The following VSTM4 variants were observed in gnomAD, a reference collection of about 807,000 sequenced individuals.
VSTM4 encodes V-set and transmembrane domain-containing protein 4.
Under a neutral mutation model 36.4 loss-of-function variants are expected in VSTM4, and 20 were observed. The observed-to-expected ratio is 0.55, with a 90% CI of 0.39 to 0.80. The LOEUF (loss-of-function observed/expected upper bound fraction) is 0.80, where lower values mean the gene tolerates loss of function less well. VSTM4 is among the 30% of genes least tolerant of loss of function. The probability of loss-of-function intolerance (pLI) is 0.00; values close to 1 mark genes in which losing one functional copy is unlikely to be tolerated. For synonymous variants in VSTM4, 182 were observed against 173.9 expected, an observed-to-expected ratio of 1.05 and a Z score of -0.37; for missense variants, 392 against 404.5, an observed-to-expected ratio of 0.97 and a Z score of 0.26.
At chr10:49,060,238 C>T (rs550537013) in intron 5 of VSTM4, among the ~76,000 whole-genome samples, 2 of 152,314 alleles carry the variant, frequency 1.3e-5, no homozygotes, top group South Asian at 4.1e-4. Flanking sequence ...AGCGGAATTG[C>T]TGGGTCATAG....
intron 5 of VSTM4, among the ~76,000 whole-genome samples, chr10:49,050,939 A>G (rs1008257316): frequency 3.3e-5 from 5 of 152,172 alleles, no homozygotes; most frequent in Admixed American, 1.3e-4. Flanking sequence ...CATTGAGTGG[A>G]AGATAGATTT....
chr10:49,034,309 C>T (rs951155195), intron 7 of VSTM4, among the ~76,000 whole-genome samples: 3 of 152,202 alleles, frequency 2.0e-5, no homozygotes, highest in African/African-American at 7.2e-5. Flanking sequence ...AGGTCATAGA[C>T]ATGATGTACA....
At chr10:49,101,526 T>C (rs1844665654) in intron 2 of VSTM4, among the ~76,000 whole-genome samples, 3 of 152,230 alleles carry the variant, frequency 2.0e-5, no homozygotes, top group African/African-American at 7.2e-5. Flanking sequence ...TGTATTGTAT[T>C]GAATATAATA....
intron 7 of VSTM4, among the ~76,000 whole-genome samples, chr10:49,044,971 C>T (rs1427831208): frequency 1.3e-5 from 2 of 152,200 alleles, no homozygotes; most frequent in East Asian, 1.9e-4. Context: ...TTTCACTGCA[C>T]TGCAATGTCA....
At chr10:49,038,914 A>G (rs1046184016) in intron 7 of VSTM4, among the ~76,000 whole-genome samples, 5 of 152,196 alleles carry the variant, frequency 3.3e-5, no homozygotes, top group African/African-American at 1.2e-4. Flanking sequence ...AGGCAGCCTG[A>G]CCACCTGTGG....
chr10:49,061,389 T>G (rs1165597745), intron 5 of VSTM4, among the ~76,000 whole-genome samples: 1 of 152,176 alleles, frequency 6.6e-6, no homozygotes, highest in African/African-American at 2.4e-5. Context: ...CTGTCTCAAT[T>G]GGGCACCATT....
intron 7 of VSTM4, among the ~76,000 whole-genome samples, chr10:49,031,549 C>T (rs1201647928): frequency 2.0e-5 from 3 of 152,194 alleles, no homozygotes; most frequent in Admixed American, 6.5e-5. Flanking sequence ...CACTTTGAGA[C>T]GTTTTGGAAA....
At position 49,107,961 on chromosome 10, in the gene VSTM4, C is replaced by T. The variant is rs1320699071; in HGVS notation, c.90G>A (p.Pro30=). 3.1e-6 allele frequency: 5 copies of T among 1,599,788 alleles called. No homozygotes were observed. The highest frequency in any genetic ancestry group is 2.3e-5 in the East Asian group (1 of 44,398). ...CCTCCAGGTAGTCAACCACGGGCCC[C>T]GGGGACACAGTGACATTGAGGGCCG... The part of the protein sequence containing the change: ...VCAALNVTVS[P]GPVVDYLEGE... Residue 30 remains proline, a synonymous_variant, in exon 2 of 8, where the codon CCG becomes CCA. Coordinates refer to ENST00000332853, the MANE Select transcript of VSTM4 (RefSeq NM_001031746.5).
chr10:49,101,880 C>T (rs968373429), intron 2 of VSTM4, among the ~76,000 whole-genome samples: 5 of 152,120 alleles, frequency 3.3e-5, no homozygotes, highest in Non-Finnish European at 5.9e-5. Context: ...TATTATCTCA[C>T]TATATAATAC....
intron 5 of VSTM4, among the ~76,000 whole-genome samples, chr10:49,053,584 G>A (rs752540603): frequency 6.6e-6 from 1 of 152,130 alleles, no homozygotes; most frequent in African/African-American, 2.4e-5. Context: ...AATTAGATGG[G>A]GTGTGAAACA....
intron 5 of VSTM4, among the ~76,000 whole-genome samples, chr10:49,052,435 T>TTA (rs1166402742): frequency 2.0e-5 from 3 of 149,510 alleles, no homozygotes; most frequent in African/African-American, 7.4e-5. Context: ...GATTTAGGAT[T>TTA]TTTTTTTTTT....
At chr10:49,098,494 G>A (rs907660863) in intron 2 of VSTM4, among the ~76,000 whole-genome samples, 3 of 152,066 alleles carry the variant, frequency 2.0e-5, no homozygotes, top group African/African-American at 4.8e-5. Context: ...TTTCAAGCTC[G>A]TGCAACTACA....
chr10:49,074,773 C>A (rs574213604), intron 4 of VSTM4, among the ~76,000 whole-genome samples: 1 of 152,196 alleles, frequency 6.6e-6, no homozygotes, highest in Non-Finnish European at 1.5e-5. Context: ...AAGAAAAATT[C>A]CCTTGGCAAG....
intron 3 of VSTM4, among the ~76,000 whole-genome samples, chr10:49,085,617 G>C (rs1260024008): frequency 6.6e-6 from 1 of 152,092 alleles, no homozygotes; most frequent in Non-Finnish European, 1.5e-5. Flanking sequence ...ATACTGTCAG[G>C]GATTTCCATC....
chr10:49,046,478 C>A (rs1467331688), intron 7 of VSTM4, among the ~76,000 whole-genome samples: 1 of 152,192 alleles, frequency 6.6e-6, no homozygotes, highest in Non-Finnish European at 1.5e-5. Flanking sequence ...TAGTTAATAG[C>A]AATGAACCGA....
At chr10:49,083,823 T>C (rs972780253) in intron 3 of VSTM4, among the ~76,000 whole-genome samples, 2 of 152,250 alleles carry the variant, frequency 1.3e-5, no homozygotes, top group East Asian at 3.8e-4. Flanking sequence ...TTTTGCACCA[T>C]GGCATTTTCA....
At chr10:49,092,485 CA>C (rs1844492951) in intron 2 of VSTM4, among the ~76,000 whole-genome samples, 1 of 152,118 alleles carries the variant, frequency 6.6e-6, no homozygotes, top group Admixed American at 6.5e-5. Flanking sequence ...CTAGGGAAAA[CA>C]AGAGTAATAA....
chr10:49,086,798 T>G (rs1844378359), intron 2 of VSTM4, among the ~76,000 whole-genome samples: 1 of 152,234 alleles, frequency 6.6e-6, no homozygotes, highest in Non-Finnish European at 1.5e-5. Flanking sequence ...ACTGGACACA[T>G]GTGGCTACTG....
intron 3 of VSTM4, among the ~76,000 whole-genome samples, chr10:49,080,036 A>C (rs925636564): frequency 6.6e-6 from 1 of 152,190 alleles, no homozygotes; most frequent in African/African-American, 2.4e-5. Context: ...ATGATTTAAC[A>C]ATCTCTTACT....
Sources: gnomAD v4.1 joint callset for allele counts (sites outside exome capture counted in the v4.1 genomes callset) on GRCh38, gnomAD v4.1.1 for gene constraint, MANE v1.5 for transcripts, NCBI Gene and HGNC (gene_info 2026-07-23, HGNC 2026-07-21) for gene names.